The following INPP5A variants were observed in gnomAD, a reference collection of about 807,000 sequenced individuals.
INPP5A encodes inositol polyphosphate-5-phosphatase A.
INPP5A carries 14 observed loss-of-function variants against 65.2 expected under a neutral mutation model. The observed-to-expected ratio is 0.21, with a 90% CI of 0.14 to 0.34. The LOEUF (loss-of-function observed/expected upper bound fraction) is 0.34. Among genes scored for constraint, INPP5A ranks in the 10% least tolerant of loss-of-function variants. The pLI is 1.00. For missense variants in INPP5A, 431 were observed against 545.6 expected, an observed-to-expected ratio of 0.79 and a Z score of 2.09; for synonymous variants, 207 against 208.3, an observed-to-expected ratio of 0.99 and a Z score of 0.05.
chr10:132,774,869 G>A (rs2134689054), intron 12 of INPP5A, among the ~76,000 whole-genome samples: 2 of 99,114 alleles, frequency 2.0e-5, no homozygotes, highest in Middle Eastern at 0.011. Flanking sequence ...AGGGAGGAGG[G>A]GCAGGGAGGA....
At chr10:132,638,047 G>C (rs775180689) in intron 2 of INPP5A, among the ~76,000 whole-genome samples, 5 of 152,116 alleles carry the variant, frequency 3.3e-5, no homozygotes, top group Non-Finnish European at 5.9e-5. Context: ...TTTGGAAGTT[G>C]GGCAGTGATT....
chr10:132,760,796 C>G (rs1846718990), intron 11 of INPP5A, among the ~76,000 whole-genome samples: 1 of 152,196 alleles, frequency 6.6e-6, no homozygotes, highest in Admixed American at 6.5e-5. Flanking sequence ...CCTGGGCGGT[C>G]CTTTGTCCAC....
chr10:132,604,530 G>A (rs1227742761), intron 1 of INPP5A, among the ~76,000 whole-genome samples: 1 of 152,212 alleles, frequency 6.6e-6, no homozygotes, highest in Non-Finnish European at 1.5e-5. Flanking sequence ...GGAAAGGGGT[G>A]TCTTAATCTT....
At chr10:132,568,052 G>T (rs972281407) in intron 1 of INPP5A, among the ~76,000 whole-genome samples, 2 of 152,026 alleles carry the variant, frequency 1.3e-5, no homozygotes, top group Non-Finnish European at 2.9e-5. Flanking sequence ...TTAGCTGGGT[G>T]TGGTGGTGCG....
chr10:132,631,898 T>C (rs1418450261), intron 2 of INPP5A, among the ~76,000 whole-genome samples: 1 of 152,274 alleles, frequency 6.6e-6, no homozygotes, highest in African/African-American at 2.4e-5. Flanking sequence ...GCTTTTTCAC[T>C]GTAGAATTTT....
intron 2 of INPP5A, among the ~76,000 whole-genome samples, chr10:132,632,036 A>AC (rs1336336181): frequency 1.3e-5 from 2 of 152,036 alleles, no homozygotes; most frequent in Non-Finnish European, 1.5e-5. Context: ...GGAGATGTGC[A>AC]CCCCCATGGG....
At chr10:132,684,115 G>C (rs1412090428) in intron 4 of INPP5A, among the ~76,000 whole-genome samples, 1 of 152,218 alleles carries the variant, frequency 6.6e-6, no homozygotes, top group Non-Finnish European at 1.5e-5. Flanking sequence ...TTGAGAAACT[G>C]TCCTCTTTCT....
intron 6 of INPP5A, among the ~76,000 whole-genome samples, chr10:132,700,330 C>T (rs183971876): frequency 1.4e-3 from 206 of 152,278 alleles, no homozygotes; most frequent in African/African-American, 4.7e-3. Context: ...GTGGCTGGGA[C>T]GGGGGGCCAG....
chr10:132,638,207 G>A (rs762588931), intron 2 of INPP5A, among the ~76,000 whole-genome samples: 14 of 151,912 alleles, frequency 9.2e-5, no homozygotes, highest in Non-Finnish European at 2.1e-4. Context: ...TCTCTTCTTC[G>A]TTGGTAGTGT....
Position 132,674,830 on chromosome 10 carries a change from A to G in INPP5A, c.307-15562A>G, listed in dbSNP as rs1030566353. Among the ~76,000 whole-genome samples, 16 of 152,200 alleles carry G rather than the reference A, an allele frequency of 1.1e-4. No homozygotes were observed. The highest frequency in any genetic ancestry group is 1.9e-4 in the Non-Finnish European group (13 of 68,026). ...AGTAACAGGCCAAGAGCTGTCTCTC[A>G]AAAGGAGAGTAGTTACCTGCAGAAG... is the stretch of plus-strand genomic sequence containing the variant. On this transcript the variant is annotated intron_variant, in intron 4 of 15. Coordinates refer to ENST00000368594, the MANE Select transcript of INPP5A (RefSeq NM_005539.5). This position sits in a 1 kb window ranked among gnomAD's most constrained non-coding sequence, Gnocchi z 4.4.
chr10:132,721,514 G>A (rs559247703), intron 8 of INPP5A, among the ~76,000 whole-genome samples: 1 of 151,746 alleles, frequency 6.6e-6, no homozygotes, highest in South Asian at 2.1e-4. Flanking sequence ...TTCTGTCTGG[G>A]GGCCTTAGAC....
chr10:132,568,606 A>T (rs559302788), intron 1 of INPP5A, among the ~76,000 whole-genome samples: 1 of 152,078 alleles, frequency 6.6e-6, no homozygotes, highest in African/African-American at 2.4e-5. Flanking sequence ...AAAAAAAAAA[A>T]ATTAGCCATC....
chr10:132,681,849 C>A (rs915619900), intron 4 of INPP5A, among the ~76,000 whole-genome samples: 1 of 152,168 alleles, frequency 6.6e-6, no homozygotes. Flanking sequence ...TGGAATATGA[C>A]CCAACCGTAA....
intron 1 of INPP5A, among the ~76,000 whole-genome samples, chr10:132,572,727 A>G (rs1354618901): frequency 1.3e-5 from 2 of 152,110 alleles, no homozygotes; most frequent in Non-Finnish European, 2.9e-5. Flanking sequence ...TTCAGAGGAC[A>G]CTGTTGCTGA....
intron 9 of INPP5A, among the ~76,000 whole-genome samples, chr10:132,732,860 G>A (rs368749314): frequency 2.6e-5 from 4 of 152,126 alleles, no homozygotes; most frequent in East Asian, 1.9e-4. Context: ...TGGAATGTGC[G>A]TGCCAGGTGG....
intron 4 of INPP5A, among the ~76,000 whole-genome samples, chr10:132,656,749 A>G (rs568290953): frequency 6.6e-6 from 1 of 152,216 alleles, no homozygotes; most frequent in African/African-American, 2.4e-5. Flanking sequence ...TTTCACATGC[A>G]GCAGCTGGAG....
Position 132,708,355 on chromosome 10 carries a change from A to C in INPP5A, c.517A>C (p.Ile173Leu). 1 of 1,614,048 alleles carries C rather than the reference A, an allele frequency of 6.2e-7. No homozygotes were observed. Among genetic ancestry groups the C allele is most frequent in the South Asian group, 1.1e-5 (1 of 91,086 alleles). The stretch of plus-strand genomic sequence containing the variant: ...AGGCTTCATCCGGACGAGGTGGTGC[A>C]TTGCAGACTGGTACGTGGTGTCTGT... Reference protein sequence around the residue: ...RKGFIRTRWCIADCAFDLVNI... With the variant: ...RKGFIRTRWCLADCAFDLVNI... The change falls in exon 7 of 16, where the codon ATT (isoleucine) becomes CTT (leucine). Residue 173 changes from isoleucine (I) to leucine (L), a missense_variant. Physicochemically the swap from Ile to Leu is conservative, Grantham distance 5. Coordinates refer to ENST00000368594, the MANE Select transcript of INPP5A (RefSeq NM_005539.5).
intron 2 of INPP5A, among the ~76,000 whole-genome samples, chr10:132,628,298 G>A (rs151235876): frequency 6.6e-6 from 1 of 152,282 alleles, no homozygotes; most frequent in Non-Finnish European, 1.5e-5. Flanking sequence ...ACCGTGCCCC[G>A]CTTCCTCGTG....
chr10:132,680,657 G>A lies in INPP5A; in HGVS notation c.307-9735G>A, dbSNP rs1333311162. Among the ~76,000 whole-genome samples, 3 of 152,274 alleles carry A rather than the reference G, an allele frequency of 2.0e-5. No homozygotes were observed. In the East Asian group the frequency reaches 5.8e-4, roughly 29 times the overall value. The stretch of plus-strand genomic sequence containing the variant: ...ACTCCCTCAGTTTGTAGGGAGGTGT[G>A]GAGGGAGAGGCGCTAGCGGGAACCG... On this transcript the variant is annotated intron_variant, in intron 4 of 15. Transcript: ENST00000368594.
Sources: allele counts gnomAD v4.1 joint callset (sites outside exome capture counted in the v4.1 genomes callset), GRCh38; gene constraint gnomAD v4.1.1; non-coding constraint Gnocchi (gnomAD v3.1); transcripts MANE v1.5; gene names NCBI Gene and HGNC (gene_info 2026-07-23, HGNC 2026-07-21).